SLC17A1: variants seen among roughly 807,000 people sequenced by gnomAD.
SLC17A1 encodes solute carrier family 17 member 1, also known as sodium-dependent phosphate transport protein 1.
Under a neutral mutation model 53.5 loss-of-function variants are expected in SLC17A1, and 51 were observed. That is an observed-to-expected ratio of 0.95 (90% CI 0.76 to 1.20). The LOEUF (loss-of-function observed/expected upper bound fraction) is 1.20, where lower values mean the gene tolerates loss of function less well. Among genes scored for constraint, SLC17A1 ranks in the 50% most tolerant of loss-of-function variants. The pLI is 0.00. For missense variants in SLC17A1, 538 were observed against 568.2 expected (o/e 0.95, Z 0.54); for synonymous variants, 179 against 198.8 (o/e 0.90, Z 0.84).
the SLC17A1 span, chr6:25,777,837 A>C: frequency 9.7e-7 from 1 of 1,035,874 alleles, no homozygotes; most frequent in African/African-American, 1.6e-5. Context: ...CTTTGTTTGC[A>C]CAGGAATATT....
At chr6:25,830,809 G>A (rs1764919343) in intron 1 of SLC17A1, among the ~76,000 whole-genome samples, 1 of 152,098 alleles carries the variant, frequency 6.6e-6, no homozygotes, top group African/African-American at 2.4e-5. Flanking sequence ...ATATATGGAA[G>A]ACCTGAAAAC....
At chr6:25,819,234 G>T in intron 5 of SLC17A1, 80 bp from the exon 6 acceptor site, 1 of 968,682 alleles carries the variant, frequency 1.0e-6, no homozygotes, top group Non-Finnish European at 1.5e-6. Flanking sequence ...CTGTAGCAAT[G>T]AACAATTTCC....
chr6:25,759,696 G>A, the SLC17A1 span, among the ~76,000 whole-genome samples: 1 of 152,174 alleles, frequency 6.6e-6, no homozygotes, highest in Non-Finnish European at 1.5e-5. Flanking sequence ...AGCTACTCCT[G>A]CTCGCTTTTG....
the SLC17A1 span, chr6:25,726,419 T>C: frequency 6.8e-6 from 11 of 1,614,136 alleles, no homozygotes; most frequent in Non-Finnish European, 9.3e-6. Flanking sequence ...TAGTTTCCCT[T>C]ACGAAGCAGA....
the SLC17A1 span, among the ~76,000 whole-genome samples, chr6:25,729,492 C>G: frequency 6.6e-6 from 1 of 152,206 alleles, no homozygotes; most frequent in African/African-American, 2.4e-5. Flanking sequence ...GAGGAGTCTT[C>G]CCAGAGGACC....
At chr6:25,773,485 G>A in the SLC17A1 span, 5 of 1,613,088 alleles carry the variant, frequency 3.1e-6, no homozygotes, top group Non-Finnish European at 4.2e-6. Flanking sequence ...TTCTGACGGA[G>A]GGGACATTGA....
chr6:25,799,153 T>A (rs538199991), intron 11 of SLC17A1, among the ~76,000 whole-genome samples: 1 of 152,148 alleles, frequency 6.6e-6, no homozygotes, highest in African/African-American at 2.4e-5. Context: ...AGTTTACTAG[T>A]TTCTTATAGT....
chr6:25,759,873 G>C, the SLC17A1 span, among the ~76,000 whole-genome samples: 2 of 152,152 alleles, frequency 1.3e-5, no homozygotes, highest in African/African-American at 4.8e-5. Flanking sequence ...TAGCTGTATA[G>C]TATTTCAGAA....
the SLC17A1 span, among the ~76,000 whole-genome samples, chr6:25,750,645 G>GAA: frequency 2.1e-3 from 310 of 151,212 alleles, 1 homozygote; most frequent in African/African-American, 7.3e-3. Context: ...GAGAGAGAGA[G>GAA]AGAGAGAGAG....
At chr6:25,737,738 C>T in the SLC17A1 span, among the ~76,000 whole-genome samples, 2 of 152,068 alleles carry the variant, frequency 1.3e-5, no homozygotes, top group South Asian at 4.1e-4. Flanking sequence ...ACAGTTTCCC[C>T]CTTTCAAAAT....
downstream of SLC17A1, chr6:25,778,082 T>C (rs1243530927): frequency 8.4e-6 from 10 of 1,184,616 alleles, no homozygotes; most frequent in Middle Eastern, 1.9e-4. Context: ...TTTTCACATA[T>C]GCACGGCCTT....
chr6:25,756,744 A>G, the SLC17A1 span, among the ~76,000 whole-genome samples: 1 of 152,320 alleles, frequency 6.6e-6, no homozygotes, highest in African/African-American at 2.4e-5. Flanking sequence ...CATGCAGGAG[A>G]TGGAGCTATG....
chr6:25,768,989 T>C, the SLC17A1 span: 1 of 1,614,044 alleles, frequency 6.2e-7, no homozygotes, highest in South Asian at 1.1e-5. Flanking sequence ...TCTCAGGTTT[T>C]TGTTCAGTCC....
chr6:25,747,611 G>A, the SLC17A1 span, among the ~76,000 whole-genome samples: 3 of 152,310 alleles, frequency 2.0e-5, no homozygotes, highest in South Asian at 2.1e-4. Flanking sequence ...AACCACCAAC[G>A]GGATGAGATT....
chr6:25,827,169 T>C (rs748396284), intron 2 of SLC17A1, among the ~76,000 whole-genome samples: 2 of 152,112 alleles, frequency 1.3e-5, no homozygotes, highest in Non-Finnish European at 2.9e-5. Context: ...GATACACATA[T>C]ATGGTTAACT....
At chr6:25,826,324 C>T (rs1764738343) in intron 3 of SLC17A1, 137 bp downstream of exon 3, 1 of 566,704 alleles carries the variant, frequency 1.8e-6, no homozygotes, top group African/African-American at 1.9e-5. Flanking sequence ...TTATTTAGGT[C>T]ACTCCTGGCA....
At chr6:25,725,637 C>T in the SLC17A1 span, among the ~76,000 whole-genome samples, 130 of 152,262 alleles carry the variant, frequency 8.5e-4, 1 homozygote, top group South Asian at 0.011. Flanking sequence ...TCATGTCACC[C>T]AGACTGGAGT....
At chr6:25,808,078 C>T (rs1764020734) in intron 10 of SLC17A1, among the ~76,000 whole-genome samples, 1 of 152,122 alleles carries the variant, frequency 6.6e-6, no homozygotes, top group Admixed American at 6.6e-5. Flanking sequence ...TTTACATTCC[C>T]ACCAACAGTG....
chr6:25,770,889 TC>T, the SLC17A1 span: 2 of 1,524,500 alleles, frequency 1.3e-6, no homozygotes, highest in Non-Finnish European at 1.8e-6. Flanking sequence ...CCAAGACGAG[TC>T]CTCTCACCCA....
Sources: allele counts gnomAD v4.1 joint callset (sites outside exome capture counted in the v4.1 genomes callset), GRCh38; gene constraint gnomAD v4.1.1; transcripts MANE v1.5; gene names NCBI Gene and HGNC (gene_info 2026-07-23, HGNC 2026-07-21).